The following NECTIN1 variants were observed in gnomAD, a reference collection of about 807,000 sequenced individuals.
The protein encoded by NECTIN1 is nectin-1.
In NECTIN1, 23 loss-of-function variants were observed where a neutral mutation model predicts 48.0. That is an observed-to-expected ratio of 0.48 (90% CI 0.34 to 0.68). The LOEUF (loss-of-function observed/expected upper bound fraction) is 0.68, where lower values mean the gene tolerates loss of function less well. Among genes scored for constraint, NECTIN1 ranks in the 30% least tolerant of loss-of-function variants. The pLI is 0.01. For synonymous variants in NECTIN1, 270 were observed against 288.9 expected, an observed-to-expected ratio of 0.93 and a Z score of 0.66; for missense variants, 591 against 709.9, an observed-to-expected ratio of 0.83 and a Z score of 1.90.
At chr11:119,666,215 G>A (rs946064586) in intron 5 of NECTIN1, among the ~76,000 whole-genome samples, 6 of 152,212 alleles carry the variant, frequency 3.9e-5, no homozygotes, top group Admixed American at 6.5e-5. Context: ...AGGCATACAC[G>A]CTTGCCGTCA....
intron 1 of NECTIN1, among the ~76,000 whole-genome samples, chr11:119,723,463 G>A (rs1865864917): frequency 6.6e-6 from 1 of 152,164 alleles, no homozygotes; most frequent in Admixed American, 6.5e-5. Flanking sequence ...CTCCTGGGAG[G>A]CTGTGAAAGG....
Position 119,661,301 on chromosome 11 carries a change from C to G in NECTIN1, c.*3446G>C, listed in dbSNP as rs1864659039. Reference sequence around the variant, plus strand: ...CTCACAGCAGGGGTCAGAAGAGCAGCAGCACCGAGTGGGACAGGGGCTCCT... The same window carrying G: ...CTCACAGCAGGGGTCAGAAGAGCAGGAGCACCGAGTGGGACAGGGGCTCCT... On this transcript the variant is annotated 3_prime_UTR_variant, in exon 6 of 6. Coordinates refer to ENST00000264025, the MANE Select transcript of NECTIN1 (RefSeq NM_002855.5). 1.0e-6 allele frequency: 1 copy of G among 985,860 alleles called. No homozygotes were observed. The highest frequency in any genetic ancestry group is 4.7e-5 in the South Asian group (1 of 21,294). The allele number at this position is 985,860 out of a possible 1,614,324, so 61.1% of individuals were successfully genotyped here.
intron 1 of NECTIN1, among the ~76,000 whole-genome samples, chr11:119,688,307 C>T (rs1477652176): frequency 6.6e-6 from 1 of 152,170 alleles, no homozygotes; most frequent in Non-Finnish European, 1.5e-5. Flanking sequence ...AAGAACCTAC[C>T]TAGAAATCAC....
At chr11:119,705,119 A>G (rs1044627860) in intron 1 of NECTIN1, among the ~76,000 whole-genome samples, 3 of 152,116 alleles carry the variant, frequency 2.0e-5, no homozygotes, top group African/African-American at 7.2e-5. Context: ...ACCATAAGGG[A>G]GATGCAGTGT....
Position 119,665,355 on chromosome 11 carries a change from G to C in NECTIN1, c.1004-58C>G. 1.3e-6 allele frequency: 2 copies of C among 1,511,218 alleles called. No homozygotes were observed. The highest frequency in any genetic ancestry group is 1.8e-6 in the Non-Finnish European group (2 of 1,134,136). 93.6% of individuals were successfully genotyped at this position (1,511,218 alleles called of 1,614,324 possible). ...TCAGCGTGTGCTCCTGGGGTGTAGAGGGGGTGGGAGGGAGGCAGGGAAAGG... is the reference window on the plus strand; with the variant it reads ...TCAGCGTGTGCTCCTGGGGTGTAGACGGGGTGGGAGGGAGGCAGGGAAAGG... On this transcript the variant is annotated intron_variant, in intron 5 of 5. Coordinates refer to ENST00000264025, the MANE Select transcript of NECTIN1 (RefSeq NM_002855.5). The surrounding 1 kb of genome is among the most constrained non-coding windows in gnomAD (Gnocchi z 5.1).
chr11:119,657,633 G>T (rs1326230212), downstream of NECTIN1, among the ~76,000 whole-genome samples: 1 of 131,562 alleles, frequency 7.6e-6, no homozygotes, highest in African/African-American at 3.1e-5. Context: ...AAAAAAAAAA[G>T]CCTGTTACGG....
intron 6 of NECTIN1, chr11:119,639,674 T>C (rs1864295070): frequency 1.5e-6 from 1 of 685,114 alleles, no homozygotes; most frequent in African/African-American, 1.8e-5. Context: ...GGGCGGTGCC[T>C]GGCACGTAGC....
intron 1 of NECTIN1, among the ~76,000 whole-genome samples, chr11:119,702,009 C>T (rs1040810802): frequency 6.6e-5 from 10 of 152,204 alleles, no homozygotes. Flanking sequence ...ATTCTGTCAC[C>T]GGCCTGCCCT....
chr11:119,660,372 T>G (rs758266239), downstream of NECTIN1, among the ~76,000 whole-genome samples: 14 of 144,866 alleles, frequency 9.7e-5, no homozygotes, highest in Non-Finnish European at 2.1e-4. Flanking sequence ...AGACCTTCTC[T>G]CCAAACAACC....
intron 1 of NECTIN1, among the ~76,000 whole-genome samples, chr11:119,711,688 C>T (rs1177070192): frequency 2.6e-5 from 4 of 152,108 alleles, no homozygotes; most frequent in South Asian, 2.1e-4. Flanking sequence ...GAGCCAAGGC[C>T]GAGGAGTGCA....
intron 1 of NECTIN1, among the ~76,000 whole-genome samples, chr11:119,686,863 A>C (rs1865166822): frequency 6.6e-6 from 1 of 152,038 alleles, no homozygotes. Context: ...AGCGTTTCTC[A>C]TACGGAGTTT....
chr11:119,674,593 C>A (rs1337926441), intron 5 of NECTIN1: 2 of 1,614,100 alleles, frequency 1.2e-6, no homozygotes, highest in East Asian at 4.5e-5. Context: ...AGTCTCTCCT[C>A]AGAACATCCT....
In NECTIN1 at chr11:119,672,955, G is replaced by A. The variant is rs141299080; in HGVS notation, c.1003+2204C>T. 3.4e-3 allele frequency among the ~76,000 whole-genome samples: 515 copies of A among 152,296 alleles called. No homozygotes were observed. The highest frequency in any genetic ancestry group is 4.8e-3 in the Non-Finnish European group (327 of 68,028). On this transcript the variant is annotated intron_variant, in intron 5 of 5. Coordinates refer to ENST00000264025, the MANE Select transcript of NECTIN1 (RefSeq NM_002855.5). This position sits in a 1 kb window ranked among gnomAD's most constrained non-coding sequence, Gnocchi z 4.3. ...GCACACCCCCTGCTGCCCACCTTCT[G>A]CCCTGCCCCAGTCACTCCTCATTTC...
At chr11:119,653,574 C>T (rs1864522956) in intron 5 of NECTIN1, among the ~76,000 whole-genome samples, 2 of 152,324 alleles carry the variant, frequency 1.3e-5, no homozygotes, top group Non-Finnish European at 2.9e-5. Flanking sequence ...GAGTGGTGCG[C>T]ACCACGTAGC....
At chr11:119,639,167 C>T (rs1041426161) in intron 6 of NECTIN1, among the ~76,000 whole-genome samples, 4 of 152,168 alleles carry the variant, frequency 2.6e-5, no homozygotes, top group African/African-American at 4.8e-5. Context: ...CGGTATGCGG[C>T]ACCGACAGCC....
chr11:119,718,801 G>A (rs1043417869), intron 1 of NECTIN1, among the ~76,000 whole-genome samples: 2 of 152,202 alleles, frequency 1.3e-5, no homozygotes, highest in Non-Finnish European at 2.9e-5. Flanking sequence ...ACACAACAGT[G>A]TCTGTGGCAG....
intron 5 of NECTIN1, among the ~76,000 whole-genome samples, chr11:119,652,380 C>T (rs891769761): frequency 6.6e-5 from 10 of 152,046 alleles, no homozygotes; most frequent in Admixed American, 5.9e-4. Flanking sequence ...CTGACTCCAC[C>T]CATCCTGTCC....
Position 119,709,361 on chromosome 11 carries a change from T to C in NECTIN1, c.79+19114A>G, listed in dbSNP as rs1865598007. On this transcript the variant is annotated intron_variant, in intron 1 of 5. Transcript: ENST00000264025. This position sits in a 1 kb window ranked among gnomAD's most constrained non-coding sequence, Gnocchi z 4.1. ...GCTCCACATCCGGGCCCAGGGCGCCTCTGTCTGCCACGCACTTGCCTGGGC... is the reference window on the plus strand; with the variant it reads ...GCTCCACATCCGGGCCCAGGGCGCCCCTGTCTGCCACGCACTTGCCTGGGC... Among the ~76,000 whole-genome samples the C allele has an allele frequency of 6.6e-6, 1 of 152,050 alleles. No individual in the cohort carries two copies. The highest frequency in any genetic ancestry group is 1.5e-5 in the Non-Finnish European group (1 of 67,984).
chr11:119,718,143 T>C (rs1037591827), intron 1 of NECTIN1, among the ~76,000 whole-genome samples: 2 of 152,168 alleles, frequency 1.3e-5, no homozygotes, highest in Non-Finnish European at 1.5e-5. Flanking sequence ...GGTCAGGGTG[T>C]GCTGGGAGGA....
Sources: allele counts gnomAD v4.1 joint callset (sites outside exome capture counted in the v4.1 genomes callset), GRCh38; gene constraint gnomAD v4.1.1; non-coding constraint Gnocchi (gnomAD v3.1); transcripts MANE v1.5; gene names NCBI Gene and HGNC (gene_info 2026-07-23, HGNC 2026-07-21).